The following GABRA5 variants were observed in gnomAD, a reference collection of about 807,000 sequenced individuals.
GABRA5 encodes gamma-aminobutyric acid receptor subunit alpha-5.
In GABRA5, 18 loss-of-function variants were observed where a neutral mutation model predicts 47.3. The observed-to-expected ratio is 0.38, with a 90% confidence interval of 0.26 to 0.56. GABRA5 has a LOEUF of 0.56. GABRA5 is among the 20% of genes least tolerant of loss of function. The pLI is 0.71. For synonymous variants in GABRA5, 237 were observed against 229.3 expected (o/e 1.03, Z -0.30); for missense variants, 365 against 599.3 (o/e 0.61, Z 4.08).
At chr15:26,876,139 G>A (rs192226965) in intron 3 of GABRA5, among the ~76,000 whole-genome samples, 2 of 152,330 alleles carry the variant, frequency 1.3e-5, no homozygotes, top group East Asian at 3.9e-4. Context: ...CTATGATCGA[G>A]CTGGAGAGGG....
At chr15:26,868,392 G>A (rs1249528574) in intron 1 of GABRA5, among the ~76,000 whole-genome samples, 1 of 152,122 alleles carries the variant, frequency 6.6e-6, no homozygotes, top group Non-Finnish European at 1.5e-5. Context: ...GGGGTTGGGG[G>A]GGCTTCTTGG....
chr15:26,947,941 G>A lies in GABRA5; in HGVS notation c.1097G>A (p.Arg366His), dbSNP rs1003947252. 21 of 1,572,280 alleles carry A rather than the reference G, an allele frequency of 1.3e-5. No homozygotes were observed. Among genetic ancestry groups the A allele is most frequent in the African/African-American group, 1.1e-4 (8 of 73,864 alleles). Residue 366 changes from arginine to histidine, a missense_variant, in exon 11 of 11, where the codon CGT becomes CAT. Physicochemically the swap from Arg to His is conservative, Grantham distance 29. Coordinates refer to ENST00000335625, the MANE Select transcript of GABRA5 (RefSeq NM_000810.4). Reference sequence around the variant, plus strand: ...TCGTATTATATTTTGCAGAAAAAGCGTGAAGTCATACTAAATAAGTCAACA... The same window carrying A: ...TCGTATTATATTTTGCAGAAAAAGCATGAAGTCATACTAAATAAGTCAACA... ...ALEAAKIKKK[R>H]EVILNKSTNA...
intron 10 of GABRA5, among the ~76,000 whole-genome samples, chr15:26,944,956 C>G (rs1282268734): frequency 6.6e-6 from 1 of 152,122 alleles, no homozygotes; most frequent in African/African-American, 2.4e-5. Context: ...TGTTGGGTGT[C>G]GCCGACACTG....
chr15:26,937,638 C>T (rs888514041), intron 8 of GABRA5, among the ~76,000 whole-genome samples: 1 of 152,206 alleles, frequency 6.6e-6, no homozygotes, highest in African/African-American at 2.4e-5. Flanking sequence ...TACAAATACC[C>T]CAGTTACCTG....
intron 9 of GABRA5, 118 bp downstream of exon 9, chr15:26,940,195 G>A (rs1894352316): frequency 2.4e-6 from 2 of 834,496 alleles, no homozygotes; most frequent in South Asian, 1.9e-5. Flanking sequence ...TGTGTGACCT[G>A]GAAAAGAAAT....
intron 4 of GABRA5, among the ~76,000 whole-genome samples, chr15:26,881,498 A>G (rs1720219137): frequency 6.6e-6 from 1 of 152,182 alleles, no homozygotes; most frequent in Non-Finnish European, 1.5e-5. Context: ...ATTCAATAAA[A>G]ATGAACTGAT....
chr15:26,945,003 G>A (rs1894477410), intron 10 of GABRA5, among the ~76,000 whole-genome samples: 1 of 152,238 alleles, frequency 6.6e-6, no homozygotes, highest in African/African-American at 2.4e-5. Context: ...TGTGGCGGCT[G>A]ATCTAATCAC....
At position 26,883,547 on chromosome 15, in the gene GABRA5, TAC is replaced by T. The variant is rs2140256344; in HGVS notation, c.490_491del (p.Thr164HisfsTer14). On this transcript the variant is annotated frameshift_variant, in exon 6 of 11. Coordinates refer to ENST00000335625, the MANE Select transcript of GABRA5 (RefSeq NM_000810.4). LOFTEE classifies it high-confidence loss of function. The surrounding 1 kb of genome is among the most constrained non-coding windows in gnomAD (Gnocchi z 4.8). ...GCTGGAGGACGACGGCACCCTGCTC[TAC>T]ACCATGCGGTGAGCGCCGGGCGGGG... Reference protein sequence around the residue: ...LRLEDDGTLLYTMRLTISAEC... With the variant: ...LRLEDDGTLLXTMRLTISAEC... The T allele has an allele frequency of 8.9e-7, 1 of 1,117,500 alleles. No homozygotes were observed. Among genetic ancestry groups the T allele is most frequent in the East Asian group, 3.0e-5 (1 of 32,994 alleles). 69.2% of individuals were successfully genotyped at this position (1,117,500 alleles called of 1,614,324 possible).
At chr15:26,926,849 A>G (rs969047097) in intron 7 of GABRA5, among the ~76,000 whole-genome samples, 1 of 152,176 alleles carries the variant, frequency 6.6e-6, no homozygotes, top group Non-Finnish European at 1.5e-5. Flanking sequence ...CACAAAAGTA[A>G]GTTTTGGTAA....
intron 6 of GABRA5, among the ~76,000 whole-genome samples, chr15:26,908,355 C>T (rs1044804084): frequency 6.6e-6 from 1 of 152,036 alleles, no homozygotes; most frequent in African/African-American, 2.4e-5. Flanking sequence ...GAAAATTCAC[C>T]AGCAGCATCC....
In GABRA5 at chr15:26,948,464, C is replaced by T. The variant is rs537972096; in HGVS notation, c.*231C>T. On this transcript the variant is annotated 3_prime_UTR_variant, in exon 11 of 11. Coordinates refer to ENST00000335625, the MANE Select transcript of GABRA5 (RefSeq NM_000810.4). Reference sequence around the variant, plus strand: ...AACAACTTTCTGGAAAAACAGGATACGATGACTGACACTCAGATGCCCAGT... The same window carrying T: ...AACAACTTTCTGGAAAAACAGGATATGATGACTGACACTCAGATGCCCAGT... 17 of 535,652 alleles carry T rather than the reference C, an allele frequency of 3.2e-5. No homozygotes were observed. Among genetic ancestry groups the T allele is most frequent in the Admixed American group, 1.3e-4 (4 of 29,700 alleles). The allele number at this position is 535,652 out of a possible 1,614,324, so 33.2% of individuals were successfully genotyped here. A position where few individuals can be genotyped will look rare whatever the true frequency, so the allele number is the denominator to read the frequency against.
Position 26,948,075 on chromosome 15 carries a change from A to G in GABRA5, c.1231A>G (p.Lys411Glu). The change falls in exon 11 of 11, where the codon AAG becomes GAG. Residue 411 changes from lysine to glutamate, a missense_variant. Around this residue, in one of 3 missense-constraint regions of GABRA5, gnomAD observed 106 missense variants for 130.3 expected, o/e 0.81. Transcript: ENST00000335625. ...AGTCTCAGTAAAACCCTCTGAAGAG[A>G]AGACTTCTGAAAGCAAAAAGACTTA... The part of the protein sequence containing the change: ...TSVSVKPSEE[K>E]TSESKKTYNS... 1 of 1,611,108 alleles carries G rather than the reference A, an allele frequency of 6.2e-7. No homozygotes were observed. Among genetic ancestry groups the G allele is most frequent in the Non-Finnish European group, 8.5e-7 (1 of 1,178,516 alleles).
At chr15:26,909,346 TCAC>T (rs1893523170) in intron 6 of GABRA5, among the ~76,000 whole-genome samples, 1 of 152,192 alleles carries the variant, frequency 6.6e-6, no homozygotes, top group Admixed American at 6.5e-5. Flanking sequence ...AGCTTTAAAT[TCAC>T]CACATCTGAA....
At chr15:26,937,050 C>A (rs1894259881) in intron 7 of GABRA5, 135 bp from the exon 8 acceptor site, 2 of 1,039,510 alleles carry the variant, frequency 1.9e-6, no homozygotes, top group Non-Finnish European at 1.5e-6. Context: ...CCACCCTATG[C>A]ATTTTTTAGG....
At chr15:26,904,966 T>C (rs1893408046) in intron 6 of GABRA5, among the ~76,000 whole-genome samples, 1 of 152,172 alleles carries the variant, frequency 6.6e-6, no homozygotes, top group Non-Finnish European at 1.5e-5. Context: ...TCTTGCCTGA[T>C]TGCTCTAGCC....
chr15:26,886,949 G>C (rs139464735), intron 6 of GABRA5, among the ~76,000 whole-genome samples: 2 of 152,218 alleles, frequency 1.3e-5, no homozygotes, highest in African/African-American at 2.4e-5. Flanking sequence ...ATTTAGCAAA[G>C]CTGGTGAAAT....
intron 10 of GABRA5, among the ~76,000 whole-genome samples, chr15:26,943,926 T>A (rs998314808): frequency 1.4e-4 from 22 of 152,176 alleles, no homozygotes; most frequent in African/African-American, 3.6e-4. Context: ...AACCACCAAG[T>A]ATTTAAAGGA....
chr15:26,920,132 C>T (rs2140299058), intron 7 of GABRA5, among the ~76,000 whole-genome samples: 1 of 152,068 alleles, frequency 6.6e-6, no homozygotes, highest in South Asian at 2.1e-4. Context: ...TTCTCCATTT[C>T]CTTTCCCAGG....
chr15:26,929,523 C>G (rs530473478), intron 7 of GABRA5, among the ~76,000 whole-genome samples: 2 of 152,316 alleles, frequency 1.3e-5, no homozygotes, highest in East Asian at 3.9e-4. Flanking sequence ...ATCCCCTGCC[C>G]CTGTAGCAGC....
Sources: allele counts gnomAD v4.1 joint callset (sites outside exome capture counted in the v4.1 genomes callset), GRCh38; gene constraint gnomAD v4.1.1; regional missense constraint gnomAD v4.1.1; non-coding constraint Gnocchi (gnomAD v3.1); transcripts MANE v1.5; gene names NCBI Gene and HGNC (gene_info 2026-07-23, HGNC 2026-07-21).